Variants in STXBP5L observed in about 807,000 individuals in gnomAD.
STXBP5L encodes the protein syntaxin binding protein 5L.
Under a neutral mutation model 144.5 loss-of-function variants are expected in STXBP5L, and 65 were observed. The observed-to-expected ratio is 0.45, with a 90% CI of 0.37 to 0.55. The LOEUF is 0.55. Among genes scored for constraint, STXBP5L ranks in the 20% least tolerant of loss-of-function variants. The pLI is 0.00. For missense variants in STXBP5L, 1,298 were observed against 1,405.5 expected (o/e 0.92, Z 1.22); for synonymous variants, 505 against 469.6 (o/e 1.08, Z -0.97).
At chr3:120,948,932 G>C (rs1260532254) in intron 2 of STXBP5L, among the ~76,000 whole-genome samples, 1 of 151,770 alleles carries the variant, frequency 6.6e-6, no homozygotes, top group Non-Finnish European at 1.5e-5. Flanking sequence ...CCAATGGTGG[G>C]ATTGCTGGAT....
chr3:120,998,675 G>T (rs1168245276), intron 3 of STXBP5L, among the ~76,000 whole-genome samples: 1 of 152,020 alleles, frequency 6.6e-6, no homozygotes, highest in Non-Finnish European at 1.5e-5. Context: ...AAAGTTTTAA[G>T]ATACAAAAAT....
intron 5 of STXBP5L, among the ~76,000 whole-genome samples, chr3:121,073,936 T>A (rs144998876): frequency 5.3e-4 from 81 of 152,310 alleles, no homozygotes; most frequent in African/African-American, 1.9e-3. Context: ...GCCACAGATT[T>A]GTGCCTTTTT....
At chr3:121,285,536 G>C (rs997617269) in intron 19 of STXBP5L, among the ~76,000 whole-genome samples, 99 of 152,000 alleles carry the variant, frequency 6.5e-4, no homozygotes, top group Non-Finnish European at 1.8e-4. Flanking sequence ...GCTCCAAACA[G>C]CTGACCTCCC....
intron 22 of STXBP5L, among the ~76,000 whole-genome samples, chr3:121,384,670 A>T (rs1438834867): frequency 6.6e-6 from 1 of 152,092 alleles, no homozygotes; most frequent in Non-Finnish European, 1.5e-5. Flanking sequence ...GAAGGAAAAG[A>T]CTACCTAGTA....
intron 20 of STXBP5L, among the ~76,000 whole-genome samples, chr3:121,345,888 C>A (rs2044946512): frequency 6.6e-6 from 1 of 152,006 alleles, no homozygotes; most frequent in African/African-American, 2.4e-5. Flanking sequence ...TCCCAAACTG[C>A]TCATCTTCAG....
intron 22 of STXBP5L, among the ~76,000 whole-genome samples, chr3:121,401,434 C>T (rs376220568): frequency 2.4e-4 from 35 of 148,832 alleles, no homozygotes; most frequent in African/African-American, 8.7e-4. Flanking sequence ...GCTATAAAGA[C>T]ACATGCACAC....
Position 121,413,274 on chromosome 3 carries a change from C to T in STXBP5L, c.3065C>T (p.Thr1022Ile). 1 of 1,601,872 alleles carries T rather than the reference C, an allele frequency of 6.2e-7. No homozygotes were observed. The highest frequency in any genetic ancestry group is 8.5e-7 in the Non-Finnish European group (1 of 1,175,568). The change falls in exon 24 of 27, where the codon ACT becomes ATT. Residue 1022 changes from threonine (T) to isoleucine (I), a missense_variant. By Grantham distance (89) the Thr-to-Ile change is moderately conservative (BLOSUM62 -1). Transcript: ENST00000471454. Reference sequence around the variant, plus strand: ...CAGGCATTATACCTCGTCTCTCCTACTGAAATTCAGCGGTTAACATACAGC... The same window carrying T: ...CAGGCATTATACCTCGTCTCTCCTATTGAAATTCAGCGGTTAACATACAGC... ...EGQALYLVSP[T>I]EIQRLTYSQE...
chr3:121,268,812 A>G (rs1023546598), intron 18 of STXBP5L, among the ~76,000 whole-genome samples: 2 of 152,276 alleles, frequency 1.3e-5, no homozygotes, highest in South Asian at 2.1e-4. Flanking sequence ...GGACAGCTGT[A>G]TGAATCATCA....
intron 10 of STXBP5L, among the ~76,000 whole-genome samples, chr3:121,221,795 T>G (rs2048980498): frequency 6.6e-6 from 1 of 151,852 alleles, no homozygotes; most frequent in Non-Finnish European, 1.5e-5. Context: ...AACTCAAATA[T>G]TTATGTCAGA....
At chr3:121,359,755 G>A (rs558290010) in intron 20 of STXBP5L, among the ~76,000 whole-genome samples, 13 of 151,926 alleles carry the variant, frequency 8.6e-5, no homozygotes, top group East Asian at 7.7e-4. Flanking sequence ...TGAGCTCACC[G>A]TAGGTGTGTG....
chr3:121,290,493 C>A (rs935469923), intron 19 of STXBP5L, among the ~76,000 whole-genome samples: 1 of 152,052 alleles, frequency 6.6e-6, no homozygotes, highest in Non-Finnish European at 1.5e-5. Flanking sequence ...AGAATTGGTA[C>A]CAATCCTATT....
chr3:121,185,831 A>G (rs975028562), intron 9 of STXBP5L, among the ~76,000 whole-genome samples: 4 of 152,180 alleles, frequency 2.6e-5, no homozygotes, highest in Admixed American at 2.0e-4. Context: ...CAATTCTGTG[A>G]AGAAAGTCAT....
intron 3 of STXBP5L, among the ~76,000 whole-genome samples, chr3:121,030,757 C>T (rs1468907315): frequency 1.3e-5 from 2 of 152,050 alleles, no homozygotes; most frequent in East Asian, 3.9e-4. Flanking sequence ...GCTCAGCCAT[C>T]TGTGTATTAA....
At chr3:121,335,468 C>T (rs2044473317) in intron 20 of STXBP5L, among the ~76,000 whole-genome samples, 1 of 151,978 alleles carries the variant, frequency 6.6e-6, no homozygotes, top group Non-Finnish European at 1.5e-5. Context: ...TGATATGGAA[C>T]CAAAAAAGAG....
At chr3:121,003,328 G>A (rs1943955279) in intron 3 of STXBP5L, among the ~76,000 whole-genome samples, 1 of 152,106 alleles carries the variant, frequency 6.6e-6, no homozygotes, top group South Asian at 2.1e-4. Flanking sequence ...ATTTTTTCAT[G>A]TGTCTTTTGG....
intron 10 of STXBP5L, among the ~76,000 whole-genome samples, chr3:121,206,988 A>T (rs1170809165): frequency 6.6e-6 from 1 of 152,208 alleles, no homozygotes; most frequent in Non-Finnish European, 1.5e-5. Flanking sequence ...TGAACATTTT[A>T]TAATGTTTTC....
At chr3:121,116,690 T>C (rs1289620985) in intron 6 of STXBP5L, among the ~76,000 whole-genome samples, 11 of 152,066 alleles carry the variant, frequency 7.2e-5, no homozygotes, top group Admixed American at 2.6e-4. Flanking sequence ...TGTGAATATT[T>C]CTAAAAACAT....
intron 5 of STXBP5L, among the ~76,000 whole-genome samples, chr3:121,097,419 C>T (rs138265440): frequency 1.8e-4 from 27 of 152,272 alleles, no homozygotes; most frequent in African/African-American, 4.8e-4. Context: ...GTTTTGTGCT[C>T]GAAACCCAGG....
intron 20 of STXBP5L, among the ~76,000 whole-genome samples, chr3:121,334,135 C>T (rs2044420105): frequency 6.6e-6 from 1 of 152,018 alleles, no homozygotes; most frequent in African/African-American, 2.4e-5. Context: ...CTCCTTTTTG[C>T]CTTCCACCAT....
Sources: gnomAD v4.1 joint callset for allele counts (sites outside exome capture counted in the v4.1 genomes callset) on GRCh38, gnomAD v4.1.1 for gene constraint, MANE v1.5 for transcripts, NCBI Gene and HGNC (gene_info 2026-07-23, HGNC 2026-07-21) for gene names.